Variants in COG7 observed in about 807,000 individuals in gnomAD.
COG7 encodes the protein conserved oligomeric Golgi complex subunit 7.
COG7 carries 49 observed loss-of-function variants against 91.5 expected under a neutral mutation model. That is an observed-to-expected ratio of 0.54 (90% CI 0.43 to 0.68). COG7 has a LOEUF of 0.68. Ranked by LOEUF, COG7 falls within the 30% of genes least tolerant of loss-of-function variation. The probability of loss-of-function intolerance (pLI) is 0.00; values close to 1 mark genes in which losing one functional copy is unlikely to be tolerated. For synonymous variants in COG7, 365 were observed against 388.7 expected, an observed-to-expected ratio of 0.94 and a Z score of 0.72; for missense variants, 895 against 961.3, an observed-to-expected ratio of 0.93 and a Z score of 0.91.
chr16:23,406,853 AC>A (rs1156791186), intron 11 of COG7, among the ~76,000 whole-genome samples: 2 of 152,152 alleles, frequency 1.3e-5, no homozygotes, highest in African/African-American at 2.4e-5. Context: ...CACTTTCCAA[AC>A]TCTTTGAGAA....
intron 10 of COG7, among the ~76,000 whole-genome samples, chr16:23,411,491 T>C (rs1312985403): frequency 2.6e-5 from 4 of 152,252 alleles, no homozygotes; most frequent in Non-Finnish European, 1.5e-5. Context: ...AGTTAGCATC[T>C]AGAACATTAC....
intron 3 of COG7, among the ~76,000 whole-genome samples, chr16:23,444,277 T>C (rs1419132282): frequency 1.3e-5 from 2 of 152,180 alleles, no homozygotes; most frequent in Non-Finnish European, 2.9e-5. Context: ...AACTGACTGA[T>C]AAATCATTCA....
intron 1 of COG7, among the ~76,000 whole-genome samples, chr16:23,448,364 G>A (rs1466425076): frequency 1.3e-5 from 2 of 152,176 alleles, no homozygotes; most frequent in Admixed American, 6.5e-5. Context: ...CCACATTGGA[G>A]TGCTGTGGTG....
At chr16:23,413,769 G>T (rs756540721) in intron 9 of COG7, 81 of 515,514 alleles carry the variant, frequency 1.6e-4, no homozygotes, top group Non-Finnish European at 2.6e-4. Context: ...CCACCTGGTT[G>T]AGCAGTTTCT....
At chr16:23,429,736 C>G (rs991663682) in intron 6 of COG7, among the ~76,000 whole-genome samples, 1 of 152,000 alleles carries the variant, frequency 6.6e-6, no homozygotes, top group African/African-American at 2.4e-5. Context: ...TGTACTCCAG[C>G]CTCGGCAACA....
At chr16:23,410,077 G>T (rs183332401) in intron 11 of COG7, among the ~76,000 whole-genome samples, 2 of 152,194 alleles carry the variant, frequency 1.3e-5, no homozygotes, top group African/African-American at 4.8e-5. Flanking sequence ...CCAAAATTAC[G>T]TGACCCCTGC....
At chr16:23,390,743 CTG>C (rs1165621503) in intron 16 of COG7, among the ~76,000 whole-genome samples, 1 of 152,206 alleles carries the variant, frequency 6.6e-6, no homozygotes, top group Non-Finnish European at 1.5e-5. Context: ...GCCCAGCCCC[CTG>C]TGTTTTCTTT....
chr16:23,421,127 G>A (rs1037567206), intron 7 of COG7, among the ~76,000 whole-genome samples: 1 of 151,476 alleles, frequency 6.6e-6, no homozygotes, highest in Non-Finnish European at 1.5e-5. Flanking sequence ...TTTCTATAAT[G>A]ATAAAGTCAA....
chr16:23,393,577 A>G (rs1252855539), intron 14 of COG7: 5 of 547,722 alleles, frequency 9.1e-6, no homozygotes, highest in South Asian at 2.1e-5. Context: ...AATGACCTCA[A>G]TATTTTTGAA....
At position 23,442,588 on chromosome 16, in the gene COG7, C is replaced by G; in HGVS notation, c.493G>C (p.Val165Leu). ...TTTTCTGAGTAGTCTGGTGTATCAACAAGCATCATTAAGCTGTTCTGCATA... is the reference window on the plus strand; with the variant it reads ...TTTTCTGAGTAGTCTGGTGTATCAAGAAGCATCATTAAGCTGTTCTGCATA... Reference protein sequence around the residue: ...TGMQNSLMMLVDTPDYSEKCV... With the variant: ...TGMQNSLMMLLDTPDYSEKCV... The change falls in exon 4 of 17, where the codon GTT (valine) becomes CTT (leucine). Residue 165 changes from valine to leucine, a missense_variant. Transcript: ENST00000307149. 6.2e-7 allele frequency: 1 copy of G among 1,614,094 alleles called. No homozygotes were observed. Among genetic ancestry groups the G allele is most frequent in the Non-Finnish European group, 8.5e-7 (1 of 1,179,946 alleles).
In COG7 at chr16:23,434,627, GCTT is replaced by G; in HGVS notation, c.687+6_687+8del. ...AACTGCACAACTGTCATCGCGCACA[GCTT>G]CTTACCTTGTGACACTTGTAGTAGT... On this transcript the variant is annotated splice_donor_region_variant and intron_variant, in intron 5 of 16. Coordinates refer to ENST00000307149, the MANE Select transcript of COG7 (RefSeq NM_153603.4). The G allele has an allele frequency of 6.2e-7, 1 of 1,606,068 alleles. No homozygotes were observed. Among genetic ancestry groups the G allele is most frequent in the Non-Finnish European group, 8.5e-7 (1 of 1,172,584 alleles).
intron 7 of COG7, 148 bp from the exon 8 acceptor site, chr16:23,418,975 A>G: frequency 1.4e-6 from 1 of 731,930 alleles, no homozygotes; most frequent in Non-Finnish European, 2.4e-6. Context: ...TTTATCATTC[A>G]TGGAAGCTTC....
chr16:23,433,929 C>T (rs1174583452), intron 5 of COG7, among the ~76,000 whole-genome samples: 1 of 152,138 alleles, frequency 6.6e-6, no homozygotes, highest in African/African-American at 2.4e-5. Flanking sequence ...ATGTAATGTG[C>T]AACCACTTGG....
Position 23,392,437 on chromosome 16 carries a change from T to G in COG7, c.2089A>C (p.Ile697Leu), listed in dbSNP as rs1963214795. The change falls in exon 16 of 17, where the codon ATC becomes CTC. Residue 697 changes from isoleucine to leucine, a missense_variant. Transcript: ENST00000307149. ...GGGCTCAGCTCAGGGATCTGTAGGA[T>G]CGCATCACAGTAGGTCTGCATTGTG... ...RATMQTYCDA[I>L]LQIPELSPHS... 6.2e-7 allele frequency: 1 copy of G among 1,614,040 alleles called. No homozygotes were observed.
Position 23,403,111 on chromosome 16 carries a change from G to C in COG7, c.1803+583C>G, listed in dbSNP as rs1393061197. Reference sequence around the variant, plus strand: ...TGGAGCAGGGGAAAGACAGCAAGTAGAGAAAATAGAACAGGCAATGCCTTG... The same window carrying C: ...TGGAGCAGGGGAAAGACAGCAAGTACAGAAAATAGAACAGGCAATGCCTTG... On this transcript the variant is annotated intron_variant, in intron 13 of 16. Transcript: ENST00000307149. 5.3e-5 allele frequency among the ~76,000 whole-genome samples: 8 copies of C among 152,314 alleles called. No homozygotes were observed. The South Asian group carries it at 1.7e-3, about 32-fold the overall frequency.
At chr16:23,434,839 C>G in intron 4 of COG7, 121 bp from the exon 5 acceptor site, 3 of 711,422 alleles carry the variant, frequency 4.2e-6, no homozygotes, top group South Asian at 3.0e-5. Context: ...TGCCTAGATA[C>G]TGAATTAACT....
chr16:23,388,909 G>A lies in COG7; in HGVS notation c.*11C>T. The A allele has an allele frequency of 6.2e-7, 1 of 1,613,944 alleles. No homozygotes were observed. Among genetic ancestry groups the A allele is most frequent in the Non-Finnish European group, 8.5e-7 (1 of 1,179,968 alleles). ...GCCCTGGCTCTCTTGGTGGTCCGGT[G>A]TGTGGTGGGGTCAGTAATTCACACT... On this transcript the variant is annotated 3_prime_UTR_variant, in exon 17 of 17. Transcript: ENST00000307149.
At chr16:23,439,968 G>A (rs1363348268) in intron 4 of COG7, among the ~76,000 whole-genome samples, 1 of 151,068 alleles carries the variant, frequency 6.6e-6, no homozygotes, top group Non-Finnish European at 1.5e-5. Flanking sequence ...CACTCTCAAA[G>A]AAATTACATG....
At chr16:23,430,991 C>T (rs1567342629) in intron 6 of COG7, among the ~76,000 whole-genome samples, 3 of 151,288 alleles carry the variant, frequency 2.0e-5, no homozygotes, top group Admixed American at 6.6e-5. Flanking sequence ...TAGTGAGACC[C>T]CATCTCTGTT....
Sources: gnomAD v4.1 joint callset for allele counts (sites outside exome capture counted in the v4.1 genomes callset) on GRCh38, gnomAD v4.1.1 for gene constraint, MANE v1.5 for transcripts, NCBI Gene and HGNC (gene_info 2026-07-23, HGNC 2026-07-21) for gene names.